Variants in VWA3B observed in about 807,000 individuals in gnomAD.
VWA3B encodes the protein von Willebrand factor A domain containing 3B, also known as von Willebrand factor A domain-containing protein 3B.
In VWA3B, 138 loss-of-function variants were observed where a neutral mutation model predicts 158.3. The observed-to-expected ratio is 0.87, with a 90% CI of 0.76 to 1.00. The LOEUF is 1.00. Ranked by LOEUF, VWA3B falls within the 50% of genes least tolerant of loss-of-function variation. The pLI is 0.00. For missense variants in VWA3B, 1,555 were observed against 1,565.1 expected (o/e 0.99, Z 0.11); for synonymous variants, 596 against 587.3 (o/e 1.01, Z -0.21).
intron 7 of VWA3B, among the ~76,000 whole-genome samples, chr2:98,136,602 C>CAA (rs540145824): frequency 0.017 from 2,134 of 125,354 alleles, 28 homozygotes; most frequent in Non-Finnish European, 0.022. Flanking sequence ...ATGAAAGGGC[C>CAA]AAAAAAAAAA....
At chr2:98,230,482 C>G (rs1350818105) in intron 16 of VWA3B, among the ~76,000 whole-genome samples, 1 of 152,024 alleles carries the variant, frequency 6.6e-6, no homozygotes, top group Admixed American at 6.5e-5. Flanking sequence ...TCAAATCGTC[C>G]AGTTTTACTT....
chr2:98,119,774 A>T lies in VWA3B; in HGVS notation c.542+11A>T. 1 of 1,611,654 alleles carries T rather than the reference A, an allele frequency of 6.2e-7. No homozygotes were observed. Reference sequence around the variant, plus strand: ...GTTCAATATCATACGGTGAGTTCCCATAGGAAGGGAGTATTTTAGTGAAAG... The same window carrying T: ...GTTCAATATCATACGGTGAGTTCCCTTAGGAAGGGAGTATTTTAGTGAAAG... On this transcript the variant is annotated intron_variant, in intron 4 of 27. Coordinates refer to ENST00000477737, the MANE Select transcript of VWA3B (RefSeq NM_144992.5).
chr2:98,183,577 A>G (rs1184263577), intron 9 of VWA3B, among the ~76,000 whole-genome samples: 1 of 152,244 alleles, frequency 6.6e-6, no homozygotes, highest in East Asian at 1.9e-4. Context: ...CCCTGAAATC[A>G]CACTGCATGC....
chr2:98,229,917 C>T (rs1685210503), intron 15 of VWA3B, 133 bp from the exon 16 acceptor site: 2 of 990,512 alleles, frequency 2.0e-6, no homozygotes, highest in Non-Finnish European at 2.9e-6. Flanking sequence ...TTATATTAAC[C>T]CAGATGGGGG....
intron 23 of VWA3B, among the ~76,000 whole-genome samples, chr2:98,294,203 CAAAAAA>C (rs751689571): frequency 2.8e-4 from 16 of 56,298 alleles, no homozygotes; most frequent in Non-Finnish European, 3.6e-4. Flanking sequence ...CACACACACA[CAAAAAA>C]AAAAAAAAAA....
At chr2:98,179,818 CTTTCTTTCTTTTTCTTTCT>C (rs1414929970) in intron 8 of VWA3B, among the ~76,000 whole-genome samples, 2 of 104,804 alleles carry the variant, frequency 1.9e-5, no homozygotes, top group African/African-American at 8.2e-5. Flanking sequence ...TTCTTTCTTT[CTTTCTTTCTTTTTCTTTCT>C]TTCTTTCTCT....
In VWA3B at chr2:98,139,373, C is replaced by T. The variant is rs183222349; in HGVS notation, c.988+5434C>T. Among the ~76,000 whole-genome samples, 1,460 of 152,328 alleles carry T rather than the reference C, an allele frequency of 9.6e-3. 14 individuals are homozygous for T. Among genetic ancestry groups the T allele is most frequent in the African/African-American group, 0.033 (1,360 of 41,582 alleles). ...TGCCCAGTCCCATCGACCACCCAAG[C>T]GCTGAGGAGTGCGGGCGCACGGTGC... On this transcript the variant is annotated intron_variant, in intron 7 of 27. Coordinates refer to ENST00000477737, the MANE Select transcript of VWA3B (RefSeq NM_144992.5).
At chr2:98,089,542 C>T (rs995675413) in intron 1 of VWA3B, among the ~76,000 whole-genome samples, 4 of 151,960 alleles carry the variant, frequency 2.6e-5, no homozygotes, top group African/African-American at 7.2e-5. Context: ...GGGCTACGTC[C>T]CGGCTCGCAG....
intron 13 of VWA3B, chr2:98,216,768 A>T (rs762562086): frequency 2.1e-6 from 1 of 483,766 alleles, no homozygotes; most frequent in Non-Finnish European, 4.2e-6. Context: ...ACATCATCTC[A>T]TTTACTCCTC....
intron 8 of VWA3B, among the ~76,000 whole-genome samples, chr2:98,166,108 G>T (rs1209297169): frequency 3.9e-5 from 6 of 152,192 alleles, no homozygotes; most frequent in African/African-American, 7.2e-5. Context: ...AGGCCAAGGA[G>T]GGTGGATCAC....
At chr2:98,201,324 T>G (rs1682529656) in intron 12 of VWA3B, among the ~76,000 whole-genome samples, 1 of 152,230 alleles carries the variant, frequency 6.6e-6, no homozygotes, top group Non-Finnish European at 1.5e-5. Context: ...TTACAATTGA[T>G]TTTTGTATAC....
chr2:98,313,074 C>G lies in VWA3B; in HGVS notation c.*725C>G, dbSNP rs531002554. ...CTCCATCAAATTTCGTTTTTCTAGTCGGTAAGATCCCTGAGGCTAGATGAA... is the reference window on the plus strand; with the variant it reads ...CTCCATCAAATTTCGTTTTTCTAGTGGGTAAGATCCCTGAGGCTAGATGAA... On this transcript the variant is annotated 3_prime_UTR_variant, in exon 28 of 28. Transcript: ENST00000477737. 81 of 152,202 alleles carry G rather than the reference C, an allele frequency of 5.3e-4. No individual in the cohort carries two copies. The highest frequency in any genetic ancestry group is 1.9e-3 in the African/African-American group (80 of 41,516). 9.4% of individuals were successfully genotyped at this position (152,202 alleles called of 1,614,324 possible).
rs1169036068 is a variant in VWA3B, at chr2:98,097,561, T to C, written c.196+4273T>C. Among the ~76,000 whole-genome samples, 4 of 152,200 alleles carry C rather than the reference T, an allele frequency of 2.6e-5. No homozygotes were observed. In the East Asian group the frequency reaches 7.7e-4, roughly 29 times the overall value. ...TGAATTATGCTGTGAGAAACATACA[T>C]GTGCAGGTGTCCTTTTAAGACAATG... On this transcript the variant is annotated intron_variant, in intron 2 of 27. Transcript: ENST00000477737.
chr2:98,207,578 TG>T, intron 12 of VWA3B: 3 of 518,886 alleles, frequency 5.8e-6, no homozygotes. Context: ...ACAGGTCATA[TG>T]GGGAAGTCAG....
chr2:98,163,977 G>GA (rs1678863107), intron 8 of VWA3B, among the ~76,000 whole-genome samples: 1 of 152,228 alleles, frequency 6.6e-6, no homozygotes, highest in Non-Finnish European at 1.5e-5. Context: ...CCTGGCTGAA[G>GA]GCTGGGCAAG....
At chr2:98,295,362 T>G (rs1574298664) in intron 23 of VWA3B, among the ~76,000 whole-genome samples, 1 of 152,190 alleles carries the variant, frequency 6.6e-6, no homozygotes, top group East Asian at 1.9e-4. Context: ...TCAGAACCAC[T>G]CATGCATCTT....
At chr2:98,290,836 T>G (rs1409907694) in intron 23 of VWA3B, 2 of 462,548 alleles carry the variant, frequency 4.3e-6, no homozygotes, top group East Asian at 8.0e-5. Context: ...AAAATGCACT[T>G]ATTTTAATTT....
At chr2:98,220,697 A>AG (rs1684418545) in intron 14 of VWA3B, among the ~76,000 whole-genome samples, 4 of 152,242 alleles carry the variant, frequency 2.6e-5, no homozygotes, top group Non-Finnish European at 5.9e-5. Context: ...ACAATTCACA[A>AG]TAGCAAAGAC....
chr2:98,212,113 C>A, intron 13 of VWA3B, 85 bp downstream of exon 13: 2 of 1,191,098 alleles, frequency 1.7e-6, no homozygotes, highest in Non-Finnish European at 2.4e-6. Context: ...ACCTTTTCAG[C>A]TGCCACCAAA....
Sources: gnomAD v4.1 joint callset for allele counts (sites outside exome capture counted in the v4.1 genomes callset) on GRCh38, gnomAD v4.1.1 for gene constraint, MANE v1.5 for transcripts, NCBI Gene and HGNC (gene_info 2026-07-23, HGNC 2026-07-21) for gene names.